Variants in SYNE1 observed in about 807,000 individuals in gnomAD.
SYNE1 encodes nesprin-1.
In SYNE1, 616 loss-of-function variants were observed where a neutral mutation model predicts 1,111.0. The observed-to-expected ratio is 0.55, with a 90% confidence interval of 0.52 to 0.59. SYNE1 has a LOEUF of 0.59. SYNE1 is among the 20% of genes least tolerant of loss of function. SYNE1 has a pLI of 0.00. For missense variants in SYNE1, 10,006 were observed against 10,417.0 expected, an observed-to-expected ratio of 0.96 and a Z score of 1.72; for synonymous variants, 3,855 against 3,825.8, an observed-to-expected ratio of 1.01 and a Z score of -0.28.
At chr6:152,486,705 A>G (rs897006626) in intron 12 of SYNE1, among the ~76,000 whole-genome samples, 2 of 152,240 alleles carry the variant, frequency 1.3e-5, no homozygotes, top group Admixed American at 1.3e-4. Flanking sequence ...ATTTCAAAGC[A>G]AAAGAGTACA....
At position 152,233,998 on chromosome 6, in the gene SYNE1, A is replaced by G. The variant is rs751045046; in HGVS notation, c.20530-35T>C. On this transcript the variant is annotated intron_variant, in intron 111 of 145. Transcript: ENST00000367255. Reference sequence around the variant, plus strand: ...GTAGCGATGTTCAAATTAGGGTTAAATAGCTAGACCATTCATTAAAAGGAA... The same window carrying G: ...GTAGCGATGTTCAAATTAGGGTTAAGTAGCTAGACCATTCATTAAAAGGAA... 3.1e-6 allele frequency: 5 copies of G among 1,607,126 alleles called. No homozygotes were observed. The Admixed American group carries it at 5.0e-5, about 16-fold the overall frequency.
intron 116 of SYNE1, 25 bp downstream of exon 116, chr6:152,225,696 G>T: frequency 1.2e-6 from 2 of 1,614,030 alleles, no homozygotes; most frequent in Non-Finnish European, 1.7e-6. Flanking sequence ...CGGTCCTGGA[G>T]CTGGCTTTCT....
At chr6:152,443,932 A>C (rs1383512924) in intron 30 of SYNE1, among the ~76,000 whole-genome samples, 3 of 152,196 alleles carry the variant, frequency 2.0e-5, no homozygotes, top group Non-Finnish European at 4.4e-5. Context: ...TCTTTATAAG[A>C]GTGTACACTC....
At chr6:152,300,957 T>C (rs1345157543) in intron 92 of SYNE1, among the ~76,000 whole-genome samples, 176 bp from the exon 93 acceptor site, 5 of 152,238 alleles carry the variant, frequency 3.3e-5, no homozygotes, top group African/African-American at 1.2e-4. Flanking sequence ...TTCAAGAGAA[T>C]ATGATGCTAG....
intron 135 of SYNE1, among the ~76,000 whole-genome samples, chr6:152,149,990 G>A (rs2060135035): frequency 6.6e-6 from 1 of 152,140 alleles, no homozygotes; most frequent in African/African-American, 2.4e-5. Context: ...TGACAGCACT[G>A]GTTATCCCTA....
At chr6:152,238,096 A>G (rs2153543496) in intron 108 of SYNE1, among the ~76,000 whole-genome samples, 1 of 152,332 alleles carries the variant, frequency 6.6e-6, no homozygotes, top group South Asian at 2.1e-4. Context: ...AACCAAAAAC[A>G]AACAATAAGT....
At chr6:152,634,908 A>G (rs1303097116) in intron 2 of SYNE1, among the ~76,000 whole-genome samples, 1 of 152,268 alleles carries the variant, frequency 6.6e-6, no homozygotes, top group African/African-American at 2.4e-5. Flanking sequence ...GACCTCGCAG[A>G]GGCGTTTGGG....
Position 152,373,187 on chromosome 6 carries a change from G to GTGC in SYNE1, c.9354_9356dup (p.Gln3118dup). On this transcript the variant is annotated inframe_insertion, in exon 59 of 146. Coordinates refer to ENST00000367255, the MANE Select transcript of SYNE1 (RefSeq NM_182961.4). ...CTTTAGACAGCATCATGTTTAGCTTGTGCTGTCCATTTTCACTTTCTGACA... is the reference window on the plus strand; with the variant it reads ...CTTTAGACAGCATCATGTTTAGCTTGTGCTGCTGTCCATTTTCACTTTCTGACA... 1 of 1,613,178 alleles carries GTGC rather than the reference G, an allele frequency of 6.2e-7. No individual in the cohort carries two copies. The highest frequency in any genetic ancestry group is 8.5e-7 in the Non-Finnish European group (1 of 1,179,910).
intron 6 of SYNE1, among the ~76,000 whole-genome samples, chr6:152,519,309 T>A (rs1214146547): frequency 1.3e-5 from 2 of 152,180 alleles, no homozygotes; most frequent in South Asian, 4.1e-4. Flanking sequence ...AGAGAAGTGG[T>A]TGATTCCAGG....
chr6:152,582,964 G>A (rs1283226575), intron 3 of SYNE1, among the ~76,000 whole-genome samples: 2 of 152,044 alleles, frequency 1.3e-5, no homozygotes, highest in South Asian at 2.1e-4. Context: ...TTTAGTAATT[G>A]TTTTGCTATG....
intron 10 of SYNE1, among the ~76,000 whole-genome samples, chr6:152,502,212 T>G (rs2099033657): frequency 6.6e-6 from 1 of 151,526 alleles, no homozygotes; most frequent in South Asian, 2.1e-4. Context: ...GCGTCTTACT[T>G]CCATATGTTT....
At chr6:152,328,090 A>G (rs1474024140) in intron 78 of SYNE1, among the ~76,000 whole-genome samples, 1 of 152,154 alleles carries the variant, frequency 6.6e-6, no homozygotes. Context: ...GTCAGACCCA[A>G]TGCTAAGAAG....
At chr6:152,192,108 A>T (rs2153233975) in intron 127 of SYNE1, among the ~76,000 whole-genome samples, 2 of 152,334 alleles carry the variant, frequency 1.3e-5, no homozygotes, top group South Asian at 4.1e-4. Context: ...ATCAGAGAAG[A>T]TACTTGATAA....
rs561052841 is a variant in SYNE1 at position 152,520,525 on chromosome 6, G to A, written c.243C>T (p.Arg81=). Residue 81 remains arginine, a synonymous_variant, in exon 6 of 146, where the codon CGC becomes CGT. Transcript: ENST00000367255. ...CCACAGCATGGATTCGCTTCATCCGGCGTCCTTGTTCACAAGGCTGTAAAA... is the reference window on the plus strand; with the variant it reads ...CCACAGCATGGATTCGCTTCATCCGACGTCCTTGTTCACAAGGCTGTAAAA... ...SGQKLPCEQG[R]RMKRIHAVAN... 3.3e-5 allele frequency: 54 copies of A among 1,613,628 alleles called. No individual in the cohort carries two copies. The South Asian group carries it at 4.9e-4, about 15-fold the overall frequency.
rs1252760550 is a variant in SYNE1 at position 152,536,374 on chromosome 6, AG to A, written c.129+3585del. ...ATATATAGTATACTAATATATATATAGTAATATATATATATTTATATATATA... is the reference window on the plus strand; with the variant it reads ...ATATATAGTATACTAATATATATATATAATATATATATATTTATATATATA... On this transcript the variant is annotated intron_variant, in intron 4 of 145. Coordinates refer to ENST00000367255, the MANE Select transcript of SYNE1 (RefSeq NM_182961.4). Among the ~76,000 whole-genome samples, 4 of 128,536 alleles carry A rather than the reference AG, an allele frequency of 3.1e-5. No homozygotes were observed. In the East Asian group the frequency reaches 9.1e-4, roughly 29 times the overall value. 84.3% of individuals were successfully genotyped at this position (128,536 alleles called of 152,430 possible). A position where few individuals can be genotyped will look rare whatever the true frequency, so the allele number is the denominator to read the frequency against.
intron 55 of SYNE1, among the ~76,000 whole-genome samples, chr6:152,384,756 G>A (rs764244411): frequency 2.6e-5 from 4 of 151,996 alleles, no homozygotes; most frequent in African/African-American, 7.3e-5. Flanking sequence ...GTCAGCACCT[G>A]TAATCGCAGC....
chr6:152,388,093 C>T (rs527845325), intron 53 of SYNE1, among the ~76,000 whole-genome samples: 6 of 152,242 alleles, frequency 3.9e-5, no homozygotes, highest in African/African-American at 1.4e-4. Context: ...GCATACAAGC[C>T]TATGAGTCTG....
chr6:152,323,994 TA>T lies in SYNE1; in HGVS notation c.15658-258del, dbSNP rs111494685. 3.1e-3 allele frequency among the ~76,000 whole-genome samples: 477 copies of T among 151,614 alleles called. 3 individuals are homozygous for T. Among genetic ancestry groups the T allele is most frequent in the African/African-American group, 0.011 (454 of 41,392 alleles). On this transcript the variant is annotated intron_variant, in intron 81 of 145. Coordinates refer to ENST00000367255, the MANE Select transcript of SYNE1 (RefSeq NM_182961.4). ...ACTATACTTAATACAGAAAAAGCTT[TA>T]AAAAAAAACTAAGCAAACAAAATAC...
intron 135 of SYNE1, among the ~76,000 whole-genome samples, chr6:152,150,064 C>T (rs949304147): frequency 1.3e-5 from 2 of 152,122 alleles, no homozygotes; most frequent in Admixed American, 6.5e-5. Flanking sequence ...AGAAATATCC[C>T]GATCATTTTA....
Sources: allele counts gnomAD v4.1 joint callset (sites outside exome capture counted in the v4.1 genomes callset), GRCh38; gene constraint gnomAD v4.1.1; transcripts MANE v1.5; gene names NCBI Gene and HGNC (gene_info 2026-07-23, HGNC 2026-07-21).